Variants in RGS8 observed in about 807,000 individuals in gnomAD.
RGS8 encodes regulator of G protein signaling 8.
Under a neutral mutation model 21.7 loss-of-function variants are expected in RGS8, and 8 were observed. That is an observed-to-expected ratio of 0.37 (90% CI 0.22 to 0.66). The LOEUF (loss-of-function observed/expected upper bound fraction) is 0.66. Ranked by LOEUF, RGS8 falls within the 30% of genes least tolerant of loss-of-function variation. The pLI is 0.59. For synonymous variants in RGS8, 80 were observed against 83.6 expected (o/e 0.96, Z 0.24); for missense variants, 157 against 217.9 (o/e 0.72, Z 1.76).
At chr1:182,749,793 T>C in the RGS8 span, among the ~76,000 whole-genome samples, 2 of 152,214 alleles carry the variant, frequency 1.3e-5, no homozygotes, top group Admixed American at 1.3e-4. Context: ...CAGGTAAATG[T>C]GTGCCATGGT....
chr1:182,671,702 T>C (rs759343344), exon 2 of RGS8: 2 of 1,614,152 alleles, frequency 1.2e-6, no homozygotes, highest in Non-Finnish European at 8.5e-7. Context: ...GCCAACTGGA[T>C]GGTCAGAGAG....
the RGS8 span, among the ~76,000 whole-genome samples, chr1:182,691,788 T>C: frequency 1.3e-5 from 2 of 151,978 alleles, no homozygotes; most frequent in Non-Finnish European, 2.9e-5. Context: ...TCACCACTCC[T>C]ATCCAACATA....
chr1:182,697,951 G>T, the RGS8 span, among the ~76,000 whole-genome samples: 1 of 152,192 alleles, frequency 6.6e-6, no homozygotes, highest in South Asian at 2.1e-4. Flanking sequence ...AACCGGTAGG[G>T]TTTCCAAAAG....
the RGS8 span, among the ~76,000 whole-genome samples, chr1:182,733,070 G>A: frequency 2.0e-5 from 3 of 152,176 alleles, no homozygotes; most frequent in African/African-American, 4.8e-5. Context: ...TCATGGTTTC[G>A]CAGTCTGCTC....
At chr1:182,747,097 C>T in the RGS8 span, among the ~76,000 whole-genome samples, 2 of 70,744 alleles carry the variant, frequency 2.8e-5, no homozygotes, top group Admixed American at 2.3e-4. Context: ...ATGGAGATCT[C>T]GTTATATTGC....
chr1:182,712,477 T>C, the RGS8 span, among the ~76,000 whole-genome samples: 1 of 152,212 alleles, frequency 6.6e-6, no homozygotes, highest in Non-Finnish European at 1.5e-5. Flanking sequence ...TGATATATCC[T>C]TCCAATGTGC....
At chr1:182,668,366 T>C (rs1409394771) in intron 3 of RGS8, among the ~76,000 whole-genome samples, 3 of 152,226 alleles carry the variant, frequency 2.0e-5, no homozygotes, top group Admixed American at 2.0e-4. Flanking sequence ...AAGATGCCAT[T>C]CTGCATGTTG....
upstream of RGS8, chr1:182,672,688 T>A (rs1664222203): frequency 9.5e-7 from 1 of 1,049,004 alleles, no homozygotes; most frequent in South Asian, 1.3e-5. Context: ...CTCTCCCTCA[T>A]CCATCACCTA....
At chr1:182,667,435 T>C (rs571041647) in intron 3 of RGS8, among the ~76,000 whole-genome samples, 13 of 152,054 alleles carry the variant, frequency 8.5e-5, no homozygotes, top group Non-Finnish European at 1.8e-4. Context: ...CATATCAGAG[T>C]CTTAAGCACA....
At chr1:182,732,303 C>CACACACACACACACA in the RGS8 span, among the ~76,000 whole-genome samples, 7 of 95,720 alleles carry the variant, frequency 7.3e-5, no homozygotes, top group African/African-American at 3.2e-4. Context: ...ACACACACAC[C>CACACACACACACACA]CACTGTAGCA....
upstream of RGS8, among the ~76,000 whole-genome samples, chr1:182,686,643 A>G (rs1664715362): frequency 6.6e-6 from 1 of 152,220 alleles, no homozygotes; most frequent in African/African-American, 2.4e-5. Flanking sequence ...CCTGCAAATG[A>G]AAACTAATTG....
the RGS8 span, among the ~76,000 whole-genome samples, chr1:182,746,492 C>T: frequency 2.6e-5 from 4 of 152,062 alleles, no homozygotes; most frequent in East Asian, 7.7e-4. Flanking sequence ...CATGATGAAA[C>T]CCTGTCTCTA....
At chr1:182,673,294 T>C (rs1664250021), upstream of RGS8, among the ~76,000 whole-genome samples, 1 of 152,220 alleles carries the variant, frequency 6.6e-6, no homozygotes. Flanking sequence ...AACAATCCTA[T>C]GCCACAGTCA....
At chr1:182,674,128 C>G (rs1362418488), upstream of RGS8, among the ~76,000 whole-genome samples, 1 of 152,194 alleles carries the variant, frequency 6.6e-6, no homozygotes, top group Non-Finnish European at 1.5e-5. Context: ...TCATAGGACA[C>G]TTTCTACCAG....
chr1:182,654,782 G>A (rs918024378), intron 5 of RGS8, among the ~76,000 whole-genome samples: 1 of 152,156 alleles, frequency 6.6e-6, no homozygotes, highest in African/African-American at 2.4e-5. Context: ...GCACCAAAAA[G>A]GGAGCAAGAA....
chr1:182,747,830 C>A, the RGS8 span, among the ~76,000 whole-genome samples: 1 of 146,026 alleles, frequency 6.8e-6, no homozygotes, highest in African/African-American at 2.5e-5. Context: ...GGCGGAACCC[C>A]GTCTCTACTA....
intron 2 of RGS8, among the ~76,000 whole-genome samples, chr1:182,670,603 A>G (rs1181426834): frequency 1.3e-5 from 2 of 152,092 alleles, no homozygotes; most frequent in Non-Finnish European, 1.5e-5. Flanking sequence ...CAAACATAGA[A>G]CCCATTTTAA....
At chr1:182,650,248 T>C (rs902432036) in intron 5 of RGS8, among the ~76,000 whole-genome samples, 2 of 152,206 alleles carry the variant, frequency 1.3e-5, no homozygotes, top group Admixed American at 1.3e-4. Context: ...GACCTGGGCA[T>C]CTGACGTCCA....
upstream of RGS8, among the ~76,000 whole-genome samples, chr1:182,675,537 A>G (rs576673980): frequency 4.6e-5 from 7 of 152,128 alleles, no homozygotes; most frequent in African/African-American, 1.7e-4. Flanking sequence ...GCTCCATTGC[A>G]CCTCCTTGTC....
Sources: allele counts gnomAD v4.1 joint callset (sites outside exome capture counted in the v4.1 genomes callset), GRCh38; gene constraint gnomAD v4.1.1; transcripts MANE v1.5; gene names NCBI Gene and HGNC (gene_info 2026-07-23, HGNC 2026-07-21).